Variants in DNAH1 observed in about 807,000 individuals in gnomAD.
The protein encoded by DNAH1 is axonemal beta dynein heavy chain 1.
DNAH1 carries 327 observed loss-of-function variants against 484.3 expected under a neutral mutation model. The ratio of observed to expected loss-of-function variants is 0.68; its 90% CI spans 0.62 to 0.74. The LOEUF is 0.74. DNAH1 is among the 30% of genes least tolerant of loss of function. The pLI, the probability that DNAH1 is intolerant of heterozygous loss-of-function variation, is 0.00. For missense variants in DNAH1, 5,052 were observed against 5,546.8 expected (o/e 0.91, Z 2.83); for synonymous variants, 2,192 against 2,191.9 (o/e 1.00, Z 0.00).
chr3:52,367,186 G>A (rs1270644176), intron 36 of DNAH1, among the ~76,000 whole-genome samples: 1 of 152,162 alleles, frequency 6.6e-6, no homozygotes, highest in South Asian at 2.1e-4. Context: ...GAGAGAAGCT[G>A]GTGGGCCCTC....
chr3:52,318,029 C>T (rs1701013803), intron 1 of DNAH1: 2 of 152,294 alleles, frequency 1.3e-5, no homozygotes, highest in African/African-American at 4.8e-5. Context: ...GAGCCTTGGC[C>T]AGGGGGAAAG....
chr3:52,313,904 A>T (rs1700869984), upstream of DNAH1, among the ~76,000 whole-genome samples: 2 of 152,124 alleles, frequency 1.3e-5, no homozygotes. Flanking sequence ...ACTGAGGCCT[A>T]ACAAAGGAAG....
At chr3:52,399,885 A>T in intron 77 of DNAH1, 106 bp downstream of exon 77, 1 of 1,239,008 alleles carries the variant, frequency 8.1e-7, no homozygotes, top group South Asian at 1.4e-5. Context: ...AGGAAGGACA[A>T]CAGAGATTTG....
chr3:52,389,688 G>A, intron 60 of DNAH1, 102 bp downstream of exon 60: 1 of 1,236,128 alleles, frequency 8.1e-7, no homozygotes, highest in African/African-American at 1.6e-5. Flanking sequence ...TCCAGGGCCT[G>A]GCTCGGAGCT....
Position 52,346,536 on chromosome 3 carries a change from G to A in DNAH1, c.1721G>A (p.Arg574His), listed in dbSNP as rs1174635848. 6.2e-6 allele frequency: 10 copies of A among 1,613,888 alleles called. No homozygotes were observed. Among genetic ancestry groups the A allele is most frequent in the South Asian group, 4.4e-5 (4 of 91,060 alleles). The change falls in exon 11 of 78, where the codon CGC becomes CAC. Residue 574 changes from arginine (R) to histidine (H), a missense_variant. Physicochemically the swap from Arg to His is conservative, Grantham distance 29 (BLOSUM62 0). This residue lies in a region of DNAH1 where 1,263 missense variants were observed against 1,218.8 expected (regional missense o/e 1.04). Transcript: ENST00000420323. Reference sequence around the variant, plus strand: ...AAGGTGGCCATGCGCAGCAGCCTGCGCGACATGAGCAAGGGCTGGTACAAC... The same window carrying A: ...AAGGTGGCCATGCGCAGCAGCCTGCACGACATGAGCAAGGGCTGGTACAAC... Reference protein sequence around the residue: ...SLKVAMRSSLRDMSKGWYNLY... With the variant: ...SLKVAMRSSLHDMSKGWYNLY...
intron 16 of DNAH1, among the ~76,000 whole-genome samples, chr3:52,351,669 A>C (rs1361444101): frequency 2.6e-5 from 4 of 152,100 alleles, no homozygotes; most frequent in African/African-American, 9.7e-5. Flanking sequence ...CACTCTTCTC[A>C]CTTCCCCTTG....
chr3:52,383,210 G>T (rs1235126876), intron 50 of DNAH1, among the ~76,000 whole-genome samples, 176 bp from the exon 51 acceptor site: 1 of 152,230 alleles, frequency 6.6e-6, no homozygotes, highest in Non-Finnish European at 1.5e-5. Flanking sequence ...ATGGGGGCAA[G>T]TCCTAGACTA....
At chr3:52,344,795 C>A in intron 9 of DNAH1, 148 bp downstream of exon 9, 1 of 907,978 alleles carries the variant, frequency 1.1e-6, no homozygotes, top group Non-Finnish European at 1.6e-6. Flanking sequence ...AGCACTTGTC[C>A]CACTTCTCCC....
chr3:52,336,124 A>G (rs1394564498), intron 8 of DNAH1, among the ~76,000 whole-genome samples: 1 of 151,858 alleles, frequency 6.6e-6, no homozygotes, highest in Non-Finnish European at 1.5e-5. Flanking sequence ...ATTAGGTCCC[A>G]CTCTTCAATT....
At position 52,392,839 on chromosome 3, in the gene DNAH1, A is replaced by G. The variant is rs770195993; in HGVS notation, c.10288A>G (p.Arg3430Gly). The G allele has an allele frequency of 7.2e-7, 1 of 1,397,476 alleles. No homozygotes were observed. The highest frequency in any genetic ancestry group is 1.2e-5 in the South Asian group (1 of 86,942). 86.6% of individuals were successfully genotyped at this position (1,397,476 alleles called of 1,614,324 possible). Residue 3430 changes from arginine (R) to glycine (G), a missense_variant, in exon 65 of 78, where the codon AGG becomes GGG. Arg to Gly is a moderately radical substitution (Grantham distance 125). Coordinates refer to ENST00000420323, the MANE Select transcript of DNAH1 (RefSeq NM_015512.5). ...CCCACTACACCCACAGGCCAAAGTC[A>G]GGATTGCAGAGCAGACGGAGAAGGA... is the stretch of plus-strand genomic sequence containing the variant. ...MKAAEIQAKV[R>G]IAEQTEKDID...
chr3:52,384,675 G>C lies in DNAH1; in HGVS notation c.8323-111G>C. ...ATAGAGTGAATGTGAGAGGCATGGAGGTTCCTGCTGTGGCCCCCTCCTCGG... is the reference window on the plus strand; with the variant it reads ...ATAGAGTGAATGTGAGAGGCATGGACGTTCCTGCTGTGGCCCCCTCCTCGG... On this transcript the variant is annotated intron_variant, in intron 52 of 77. Coordinates refer to ENST00000420323, the MANE Select transcript of DNAH1 (RefSeq NM_015512.5). The C allele has an allele frequency of 2.7e-6, 3 of 1,122,176 alleles. No homozygotes were observed. The Admixed American group carries it at 8.9e-5, about 33-fold the overall frequency. 69.5% of individuals were successfully genotyped at this position (1,122,176 alleles called of 1,614,324 possible).
rs1703162286 is a variant in DNAH1 at position 52,368,140 on chromosome 3, T to C, written c.5766-601T>C. ...GGCCTCAGCGTAACCAGACATTGCC[T>C]GGGGGTGGTGCAGGGAAGGAGCCTC... On this transcript the variant is annotated intron_variant, in intron 36 of 77. Transcript: ENST00000420323. This position sits in a 1 kb window ranked among gnomAD's most constrained non-coding sequence, Gnocchi z 4.4. 6.6e-6 allele frequency among the ~76,000 whole-genome samples: 1 copy of C among 152,178 alleles called. No homozygotes were observed. Among genetic ancestry groups the C allele is most frequent in the African/African-American group, 2.4e-5 (1 of 41,434 alleles).
chr3:52,313,708 CT>C (rs1156387558), upstream of DNAH1, among the ~76,000 whole-genome samples: 1 of 152,152 alleles, frequency 6.6e-6, no homozygotes, highest in African/African-American at 2.4e-5. Flanking sequence ...GGAACAAACC[CT>C]TCCTTACTGA....
At chr3:52,394,047 C>T (rs556452060) in intron 66 of DNAH1, among the ~76,000 whole-genome samples, 1 of 152,394 alleles carries the variant, frequency 6.6e-6, no homozygotes, top group South Asian at 2.1e-4. Context: ...CAGGGACGGA[C>T]TGTCCTGAGC....
In DNAH1 at chr3:52,372,989, G is replaced by A. The variant is rs774346302; in HGVS notation, c.6921G>A (p.Gln2307=). The change falls in exon 44 of 78, where the codon CAG becomes CAA. Residue 2307 remains glutamine (Q), a synonymous_variant. Transcript: ENST00000420323. Reference sequence around the variant, plus strand: ...CGGCCCTGGAGACCTACGGTGCACAGCCACCCATCGAGCTGTTGCGCCAGT... The same window carrying A: ...CGGCCCTGGAGACCTACGGTGCACAACCACCCATCGAGCTGTTGCGCCAGT... ...NMPALETYGA[Q]PPIELLRQWM... The A allele has an allele frequency of 3.7e-6, 6 of 1,613,682 alleles. No homozygotes were observed. The highest frequency in any genetic ancestry group is 1.1e-5 in the South Asian group (1 of 91,086).
chr3:52,318,814 G>T (rs1701043604), intron 1 of DNAH1, among the ~76,000 whole-genome samples: 1 of 152,222 alleles, frequency 6.6e-6, no homozygotes, highest in African/African-American at 2.4e-5. Context: ...GGTGTTGTTT[G>T]CCTGGTCGCC....
At chr3:52,367,545 C>A (rs1159423891) in intron 36 of DNAH1, among the ~76,000 whole-genome samples, 1 of 151,880 alleles carries the variant, frequency 6.6e-6, no homozygotes, top group Non-Finnish European at 1.5e-5. Context: ...AGAAAAAAGT[C>A]CCCTGTTAAA....
In DNAH1 at chr3:52,349,028, G is replaced by C. The variant is rs774523362; in HGVS notation, c.2247G>C (p.Lys749Asn). ...KAMIPLQAYA[K>N]EYRKYLELNN... The stretch of plus-strand genomic sequence containing the variant: ...TGATCCCACTGCAGGCCTACGCCAA[G>C]GAGTACCGAAAGTACCTGGAGCTGA... Residue 749 changes from lysine (K) to asparagine (N), a missense_variant, in exon 13 of 78, where the codon AAG (lysine) becomes AAC (asparagine). Physicochemically the swap from Lys to Asn is moderately conservative, Grantham distance 94. This residue lies in a region of DNAH1 where 1,263 missense variants were observed against 1,218.8 expected (regional missense o/e 1.04). Transcript: ENST00000420323. The C allele has an allele frequency of 9.9e-6, 16 of 1,612,904 alleles. No individual in the cohort carries two copies. The highest frequency in any genetic ancestry group is 8.5e-7 in the Non-Finnish European group (1 of 1,179,906).
Position 52,396,630 on chromosome 3 carries a change from A to C in DNAH1, c.11443A>C (p.Lys3815Gln). Residue 3815 changes from lysine to glutamine, a missense_variant, in exon 72 of 78, where the codon AAG becomes CAG. Lys to Gln is a moderately conservative substitution (Grantham distance 53). This residue lies in a region of DNAH1 where 853 missense variants were observed against 899.0 expected (regional missense o/e 0.95). Coordinates refer to ENST00000420323, the MANE Select transcript of DNAH1 (RefSeq NM_015512.5). ...CCACCTCCCCCAGGTGATGGAGTTC[A>C]AGTCTCTGCTGCTGTCTCTGTGCTT... The part of the protein sequence containing the change: ...LNSCHKVMEF[K>Q]SLLLSLCLFH... 6.2e-7 allele frequency: 1 copy of C among 1,612,718 alleles called. No individual in the cohort carries two copies. The highest frequency in any genetic ancestry group is 8.5e-7 in the Non-Finnish European group (1 of 1,179,346).
Sources: allele counts gnomAD v4.1 joint callset (sites outside exome capture counted in the v4.1 genomes callset), GRCh38; gene constraint gnomAD v4.1.1; regional missense constraint gnomAD v4.1.1; non-coding constraint Gnocchi (gnomAD v3.1); transcripts MANE v1.5; gene names NCBI Gene and HGNC (gene_info 2026-07-23, HGNC 2026-07-21).